Variants in FUT9 observed in about 807,000 individuals in gnomAD.
FUT9 encodes the protein 4-galactosyl-N-acetylglucosaminide 3-alpha-L-fucosyltransferase 9.
A neutral mutation model predicts 29.7 loss-of-function variants in FUT9; 15 were observed. The ratio of observed to expected loss-of-function variants is 0.51; its 90% CI spans 0.34 to 0.78. The LOEUF is 0.78. FUT9 is among the 30% of genes least tolerant of loss of function. The pLI is 0.01. For synonymous variants in FUT9, 169 were observed against 153.7 expected (o/e 1.10, Z -0.74); for missense variants, 319 against 425.4 (o/e 0.75, Z 2.20).
intron 2 of FUT9, among the ~76,000 whole-genome samples, chr6:96,164,962 C>T (rs1189779716): frequency 1.3e-5 from 2 of 152,154 alleles, no homozygotes; most frequent in Non-Finnish European, 2.9e-5. Flanking sequence ...TCCATCATTA[C>T]AGGAATTTCT....
intron 1 of FUT9, among the ~76,000 whole-genome samples, chr6:96,100,050 G>A (rs566939104): frequency 1.3e-5 from 2 of 152,008 alleles, no homozygotes; most frequent in African/African-American, 4.8e-5. Context: ...TACCAAAGGG[G>A]TATTATTCAT....
intron 2 of FUT9, among the ~76,000 whole-genome samples, chr6:96,192,955 G>A (rs1240114164): frequency 2.0e-5 from 3 of 151,756 alleles, no homozygotes; most frequent in African/African-American, 7.3e-5. Flanking sequence ...AATGGGGAAA[G>A]GATTCCCTAT....
intron 2 of FUT9, among the ~76,000 whole-genome samples, chr6:96,152,315 A>G (rs1323459175): frequency 6.6e-6 from 1 of 152,160 alleles, no homozygotes; most frequent in Non-Finnish European, 1.5e-5. Context: ...AATGACCTAG[A>G]TTTATATGTG....
At chr6:96,085,262 A>G (rs1771296652) in intron 1 of FUT9, among the ~76,000 whole-genome samples, 1 of 152,188 alleles carries the variant, frequency 6.6e-6, no homozygotes, top group Non-Finnish European at 1.5e-5. Flanking sequence ...ATAAGAATGT[A>G]TTTCTTATGG....
chr6:96,019,527 G>T (rs976966078), intron 1 of FUT9, among the ~76,000 whole-genome samples: 1 of 151,926 alleles, frequency 6.6e-6, no homozygotes, highest in African/African-American at 2.4e-5. Context: ...TTGCATTCAG[G>T]AGGGAGTATT....
intron 1 of FUT9, among the ~76,000 whole-genome samples, chr6:96,092,397 A>G (rs555376692): frequency 6.6e-6 from 1 of 152,298 alleles, no homozygotes; most frequent in South Asian, 2.1e-4. Context: ...AAGTATATTA[A>G]AAAAGAATGT....
intron 1 of FUT9, among the ~76,000 whole-genome samples, chr6:96,027,924 C>A: frequency 6.6e-6 from 1 of 151,164 alleles, no homozygotes; most frequent in Middle Eastern, 3.4e-3. Context: ...TTTTTTTGTC[C>A]CTACATTGCC....
intron 2 of FUT9, among the ~76,000 whole-genome samples, chr6:96,149,896 A>G (rs1438182906): frequency 3.3e-5 from 5 of 152,098 alleles, no homozygotes; most frequent in African/African-American, 4.8e-5. Context: ...ACAATAAGTT[A>G]TTGTTAACTA....
intron 2 of FUT9, among the ~76,000 whole-genome samples, chr6:96,129,492 A>G (rs927792261): frequency 6.6e-6 from 1 of 152,034 alleles, no homozygotes; most frequent in African/African-American, 2.4e-5. Context: ...GCTTCAAACT[A>G]TTCACTATAA....
intron 2 of FUT9, among the ~76,000 whole-genome samples, chr6:96,172,381 C>T (rs1773128949): frequency 6.6e-6 from 1 of 152,132 alleles, no homozygotes; most frequent in Non-Finnish European, 1.5e-5. Flanking sequence ...CAACCATATA[C>T]ATTTTTCATA....
chr6:96,060,761 C>T (rs886915498), intron 1 of FUT9, among the ~76,000 whole-genome samples: 1 of 152,196 alleles, frequency 6.6e-6, no homozygotes, highest in East Asian at 1.9e-4. Flanking sequence ...TGTTCTCAAA[C>T]TCCTAACCTC....
At chr6:96,042,782 A>G (rs549759884) in intron 1 of FUT9, among the ~76,000 whole-genome samples, 1 of 152,130 alleles carries the variant, frequency 6.6e-6, no homozygotes, top group African/African-American at 2.4e-5. Flanking sequence ...AATTCTCACA[A>G]CACCTCTGTG....
rs1773806647 is a variant in FUT9 at position 96,205,249 on chromosome 6, A to G, written c.*1014A>G. On this transcript the variant is annotated 3_prime_UTR_variant, in exon 3 of 3. Coordinates refer to ENST00000302103, the MANE Select transcript of FUT9 (RefSeq NM_006581.4). ...AGTTCTATCATTTAAGAGAGCCTAA[A>G]TAAAATTATCATCAAGGTATTAAAT... 1 of 167,064 alleles carries G rather than the reference A, an allele frequency of 6.0e-6. No individual in the cohort carries two copies. The highest frequency in any genetic ancestry group is 6.5e-5 in the Admixed American group (1 of 15,282). 10.3% of individuals were successfully genotyped at this position (167,064 alleles called of 1,614,324 possible).
At chr6:96,033,248 T>C (rs1562102107) in intron 1 of FUT9, among the ~76,000 whole-genome samples, 1 of 151,704 alleles carries the variant, frequency 6.6e-6, no homozygotes, top group Admixed American at 6.6e-5. Flanking sequence ...ATTTTGAATA[T>C]ATTGGATTGA....
chr6:96,129,656 C>T (rs1256218079), intron 2 of FUT9, among the ~76,000 whole-genome samples: 2 of 151,732 alleles, frequency 1.3e-5, no homozygotes, highest in East Asian at 1.9e-4. Context: ...AAGTGGTTAC[C>T]TCTTGGGGAA....
intron 1 of FUT9, among the ~76,000 whole-genome samples, chr6:96,078,399 A>G (rs1157474658): frequency 3.4e-5 from 2 of 59,526 alleles, no homozygotes; most frequent in Admixed American, 4.1e-4. Flanking sequence ...TTTCTTTCAT[A>G]TTAGTCTTCT....
chr6:96,195,015 A>G (rs530090858), intron 2 of FUT9, among the ~76,000 whole-genome samples: 1 of 152,274 alleles, frequency 6.6e-6, no homozygotes, highest in South Asian at 2.1e-4. Context: ...AGTAGAGAGG[A>G]GAGAGAGCAG....
At chr6:96,062,869 A>C (rs1451388037) in intron 1 of FUT9, among the ~76,000 whole-genome samples, 2 of 152,220 alleles carry the variant, frequency 1.3e-5, no homozygotes, top group African/African-American at 4.8e-5. Context: ...CAAAAACAAC[A>C]AAAAAGTGCC....
intron 1 of FUT9, among the ~76,000 whole-genome samples, chr6:96,025,412 C>T (rs1770150631): frequency 6.6e-6 from 1 of 151,714 alleles, no homozygotes; most frequent in Non-Finnish European, 1.5e-5. Context: ...CGCCCAGTGG[C>T]CCATATAATT....
Sources: gnomAD v4.1 joint callset for allele counts (sites outside exome capture counted in the v4.1 genomes callset) on GRCh38, gnomAD v4.1.1 for gene constraint, MANE v1.5 for transcripts, NCBI Gene and HGNC (gene_info 2026-07-23, HGNC 2026-07-21) for gene names.